Variants in RTCA observed in about 807,000 individuals in gnomAD.
RTCA encodes RNA 3'-terminal phosphate cyclase.
RTCA carries 37 observed loss-of-function variants against 46.1 expected under a neutral mutation model. That is an observed-to-expected ratio of 0.80 (90% CI 0.62 to 1.06). The LOEUF (loss-of-function observed/expected upper bound fraction) is 1.06, where lower values mean the gene tolerates loss of function less well. Ranked by LOEUF, RTCA falls within the 50% of genes least tolerant of loss-of-function variation. RTCA has a pLI of 0.00. For missense variants in RTCA, 435 were observed against 455.5 expected (o/e 0.95, Z 0.41); for synonymous variants, 164 against 158.3 (o/e 1.04, Z -0.27).
chr1:100,266,770 T>G (rs1665803170), intron 2 of RTCA, 146 bp downstream of exon 2: 2 of 656,508 alleles, frequency 3.0e-6, no homozygotes, highest in African/African-American at 3.6e-5. Flanking sequence ...GCACTCTGCC[T>G]GGGCGGTGGC....
chr1:100,287,046 A>T, intron 9 of RTCA, 53 bp from the exon 10 acceptor site: 1 of 1,268,084 alleles, frequency 7.9e-7, no homozygotes, highest in Non-Finnish European at 1.1e-6. Flanking sequence ...GTGGAATTAT[A>T]ATGCCAAATA....
intron 3 of RTCA, among the ~76,000 whole-genome samples, chr1:100,268,578 A>T (rs1398122348): frequency 1.3e-5 from 2 of 151,998 alleles, no homozygotes; most frequent in Non-Finnish European, 2.9e-5. Flanking sequence ...GTATTTTTTA[A>T]AGAGACAAGG....
intron 4 of RTCA, 34 bp from the exon 5 acceptor site, chr1:100,273,360 T>G (rs771720460): frequency 5.0e-6 from 7 of 1,395,604 alleles, no homozygotes; most frequent in Non-Finnish European, 7.0e-6. Context: ...TGAATATTGC[T>G]GATTAACCTA....
At chr1:100,267,610 T>C (rs1665858156) in intron 2 of RTCA, 3 of 1,471,886 alleles carry the variant, frequency 2.0e-6, no homozygotes, top group Non-Finnish European at 2.7e-6. Context: ...CACATGGTGG[T>C]TCCTCTGTGT....
chr1:100,285,936 A>G (rs576181245), intron 9 of RTCA, among the ~76,000 whole-genome samples: 18 of 152,290 alleles, frequency 1.2e-4, no homozygotes, highest in African/African-American at 4.3e-4. Flanking sequence ...TGCCTGGCCA[A>G]CTTCTAAATT....
rs1666442156 is a variant in RTCA at position 100,277,241 on chromosome 1, CT to C, written c.741-10del. On this transcript the variant is annotated splice_polypyrimidine_tract_variant and intron_variant, in intron 7 of 10. Coordinates refer to ENST00000370128, the MANE Select transcript of RTCA (RefSeq NM_003729.4). The stretch of plus-strand genomic sequence containing the variant: ...ACATTTATAGCAAAGGTAGTAATAA[CT>C]TTTTTTCTTGCATAGAATTATTGCT... The C allele has an allele frequency of 1.9e-6, 3 of 1,611,362 alleles. No homozygotes were observed. Among genetic ancestry groups the C allele is most frequent in the East Asian group, 2.2e-5 (1 of 44,824 alleles).
chr1:100,268,583 A>G (rs1462615985), intron 3 of RTCA, among the ~76,000 whole-genome samples: 1 of 152,088 alleles, frequency 6.6e-6, no homozygotes. Flanking sequence ...TTTTAAAGAG[A>G]CAAGGTTTCG....
intron 9 of RTCA, among the ~76,000 whole-genome samples, 160 bp downstream of exon 9, chr1:100,285,482 C>T (rs1004392710): frequency 6.6e-6 from 1 of 152,118 alleles, no homozygotes; most frequent in African/African-American, 2.4e-5. Context: ...CAAATTTCAG[C>T]CCTCATTTTA....
chr1:100,270,831 CAG>C, intron 4 of RTCA, 151 bp downstream of exon 4: 1 of 980,360 alleles, frequency 1.0e-6, no homozygotes, highest in African/African-American at 1.7e-5. Flanking sequence ...TTTTTTGAGA[CAG>C]TGCTGTTGCC....
At chr1:100,268,016 G>T in intron 2 of RTCA, 136 bp from the exon 3 acceptor site, 1 of 1,265,794 alleles carries the variant, frequency 7.9e-7, no homozygotes. Flanking sequence ...AAAGGAAGCT[G>T]ACACTGAAGA....
At chr1:100,277,388 G>A in intron 8 of RTCA, 72 bp downstream of exon 8, 2 of 1,280,808 alleles carry the variant, frequency 1.6e-6, no homozygotes, top group South Asian at 2.9e-5. Context: ...GGATTGGAAT[G>A]TTATAGAATG....
At chr1:100,269,625 G>A (rs866685447) in intron 3 of RTCA, among the ~76,000 whole-genome samples, 158 of 152,050 alleles carry the variant, frequency 1.0e-3, no homozygotes, top group African/African-American at 3.0e-3. Flanking sequence ...GAGCCACCAC[G>A]CCCGGCCAAG....
intron 8 of RTCA, among the ~76,000 whole-genome samples, chr1:100,281,745 CT>C (rs1385813166): frequency 6.6e-6 from 1 of 151,098 alleles, no homozygotes; most frequent in East Asian, 1.9e-4. Context: ...GAGACGGAAT[CT>C]TGCTTTGTCG....
intron 3 of RTCA, 21 bp from the exon 4 acceptor site, chr1:100,270,536 C>T: frequency 6.2e-7 from 1 of 1,602,064 alleles, no homozygotes; most frequent in Non-Finnish European, 8.5e-7. Flanking sequence ...TGAAAATAAG[C>T]CCCTTCTGCC....
Position 100,285,236 on chromosome 1 carries a change from G to A in RTCA, c.808G>A (p.Ala270Thr). 2.5e-6 allele frequency: 4 copies of A among 1,612,358 alleles called. No individual in the cohort carries two copies. The highest frequency in any genetic ancestry group is 1.7e-4 in the Middle Eastern group (1 of 6,056). Residue 270 changes from alanine (A) to threonine (T), a missense_variant, in exon 9 of 11, where the codon GCA (alanine) becomes ACA (threonine). Physicochemically the swap from Ala to Thr is moderately conservative, Grantham distance 58. Transcript: ENST00000370128. ...GTTGTGCTTATCTTAAGGTGTAAATGCAGACAAAGTTGGAATTGAAGCTGC... is the reference window on the plus strand; with the variant it reads ...GTTGTGCTTATCTTAAGGTGTAAATACAGACAAAGTTGGAATTGAAGCTGC... ...GSSLGKRGVN[A>T]DKVGIEAAEM...
At chr1:100,287,769 A>G (rs1667103285) in intron 10 of RTCA, among the ~76,000 whole-genome samples, 1 of 150,322 alleles carries the variant, frequency 6.7e-6, no homozygotes, top group South Asian at 2.1e-4. Flanking sequence ...ATATGAGCTC[A>G]TATTCATACC....
At chr1:100,279,933 T>C (rs554371789) in intron 8 of RTCA, among the ~76,000 whole-genome samples, 3 of 152,286 alleles carry the variant, frequency 2.0e-5, no homozygotes, top group South Asian at 4.1e-4. Flanking sequence ...TCCTGAAATA[T>C]AGAGCATTTA....
intron 2 of RTCA, chr1:100,267,440 C>T: frequency 1.4e-6 from 2 of 1,423,224 alleles, no homozygotes; most frequent in South Asian, 1.5e-5. Flanking sequence ...GCTAGGGCTG[C>T]CATAACAAAA....
chr1:100,267,398 A>G, intron 2 of RTCA: 1 of 1,236,700 alleles, frequency 8.1e-7, no homozygotes, highest in Admixed American at 3.4e-5. Flanking sequence ...AGGGGAATCC[A>G]ATTCATTAGG....
Sources: allele counts gnomAD v4.1 joint callset (sites outside exome capture counted in the v4.1 genomes callset), GRCh38; gene constraint gnomAD v4.1.1; transcripts MANE v1.5; gene names NCBI Gene and HGNC (gene_info 2026-07-23, HGNC 2026-07-21).